Variants in CDK6 observed in about 807,000 individuals in gnomAD.
The protein encoded by CDK6 is cyclin-dependent kinase 6.
CDK6 carries 6 observed loss-of-function variants against 37.1 expected under a neutral mutation model. The ratio of observed to expected loss-of-function variants is 0.16; its 90% CI spans 0.09 to 0.32. CDK6 has a LOEUF of 0.32. Ranked by LOEUF, CDK6 falls within the 10% of genes least tolerant of loss-of-function variation. The pLI is 1.00. For synonymous variants in CDK6, 160 were observed against 161.3 expected, an observed-to-expected ratio of 0.99 and a Z score of 0.06; for missense variants, 224 against 418.9, an observed-to-expected ratio of 0.53 and a Z score of 4.06.
intron 3 of CDK6, 76 bp downstream of exon 3, chr7:92,774,620 A>G (rs1055830301): frequency 1.5e-6 from 2 of 1,305,844 alleles, no homozygotes; most frequent in Non-Finnish European, 2.1e-6. Flanking sequence ...GGCAATTTTC[A>G]TAAGGAAAGA....
In CDK6 at chr7:92,725,671, G is replaced by A. The variant is rs774750394; in HGVS notation, c.492C>T (p.Phe164=). 36 of 1,613,986 alleles carry A rather than the reference G, an allele frequency of 2.2e-5. No individual in the cohort carries two copies. Among genetic ancestry groups the A allele is most frequent in the Middle Eastern group, 1.6e-4 (1 of 6,084 alleles). The change falls in exon 4 of 8, where the codon TTC becomes TTT. Residue 164 remains phenylalanine, a synonymous_variant. Coordinates refer to ENST00000424848, the MANE Select transcript of CDK6 (RefSeq NM_001145306.2). ...TSSGQIKLAD[F]GLARIYSFQM... The stretch of plus-strand genomic sequence containing the variant: ...GGAAACTATAGATGCGGGCAAGGCC[G>A]AAGTCAGCGAGTTTTATTTGTCCGC...
chr7:92,755,751 C>T (rs1009843099), intron 3 of CDK6, among the ~76,000 whole-genome samples: 2 of 152,230 alleles, frequency 1.3e-5, no homozygotes, highest in Non-Finnish European at 1.5e-5. Flanking sequence ...GGTGCGGATA[C>T]CATTCAGGCA....
intron 2 of CDK6, among the ~76,000 whole-genome samples, chr7:92,825,302 A>T (rs2115998382): frequency 6.6e-6 from 1 of 152,280 alleles, no homozygotes; most frequent in South Asian, 2.1e-4. Context: ...TTAAATTCTG[A>T]ATTTCTAAAT....
intron 2 of CDK6, among the ~76,000 whole-genome samples, chr7:92,805,781 T>G (rs1800710409): frequency 6.6e-6 from 1 of 152,186 alleles, no homozygotes; most frequent in African/African-American, 2.4e-5. Context: ...CCCCGTACAA[T>G]AAAATCCCTC....
rs147232205 is a variant in CDK6, at chr7:92,760,164, C to A, written c.369+14532G>T. 2.0e-3 allele frequency among the ~76,000 whole-genome samples: 312 copies of A among 152,300 alleles called. 1 individual carries two copies. Among genetic ancestry groups the A allele is most frequent in the African/African-American group, 7.2e-3 (300 of 41,572 alleles). ...CATTAATTTAAAAATTTACTCTCAT[C>A]AGCAATTGCTTCCATTTACAATCAA... On this transcript the variant is annotated intron_variant, in intron 3 of 7. Coordinates refer to ENST00000424848, the MANE Select transcript of CDK6 (RefSeq NM_001145306.2).
intron 5 of CDK6, among the ~76,000 whole-genome samples, chr7:92,666,383 T>C (rs540436281): frequency 1.6e-3 from 238 of 152,322 alleles, no homozygotes; most frequent in Middle Eastern, 0.014. Context: ...ACTCCATAAG[T>C]TAATTGTGGA....
chr7:92,653,953 TGTTTGTCA>T (rs1233424675), intron 5 of CDK6, among the ~76,000 whole-genome samples: 1 of 152,164 alleles, frequency 6.6e-6, no homozygotes, highest in Non-Finnish European at 1.5e-5. Context: ...TTATCCTTCA[TGTTTGTCA>T]GTTTCTCACC....
At position 92,762,570 on chromosome 7, in the gene CDK6, C is replaced by T. The variant is rs868462688; in HGVS notation, c.369+12126G>A. ...CATACTAACCGTATTCATAGAACAC[C>T]TTTTTTTTTTTTTTTGAGATGGAAT... On this transcript the variant is annotated intron_variant, in intron 3 of 7. Coordinates refer to ENST00000424848, the MANE Select transcript of CDK6 (RefSeq NM_001145306.2). 5.8e-3 allele frequency among the ~76,000 whole-genome samples: 816 copies of T among 141,566 alleles called. 7 individuals are homozygous for T. The highest frequency in any genetic ancestry group is 0.018 in the African/African-American group (716 of 38,924). 92.9% of individuals were successfully genotyped at this position (141,566 alleles called of 152,430 possible).
At chr7:92,820,717 A>T (rs954394155) in intron 2 of CDK6, among the ~76,000 whole-genome samples, 1 of 152,152 alleles carries the variant, frequency 6.6e-6, no homozygotes, top group African/African-American at 2.4e-5. Context: ...TAACAAGGTA[A>T]GTCCTCATTT....
intron 3 of CDK6, among the ~76,000 whole-genome samples, chr7:92,729,750 T>C (rs910359150): frequency 3.3e-5 from 5 of 152,128 alleles, no homozygotes; most frequent in African/African-American, 1.2e-4. Context: ...CTTCTTTTCT[T>C]TTTCTTTTCT....
intron 3 of CDK6, among the ~76,000 whole-genome samples, chr7:92,754,829 G>A (rs1307059429): frequency 1.3e-5 from 2 of 152,150 alleles, no homozygotes; most frequent in East Asian, 3.9e-4. Context: ...TTGACAGTCA[G>A]CAAGATGGAT....
intron 2 of CDK6, among the ~76,000 whole-genome samples, chr7:92,806,029 T>A (rs1800715789): frequency 6.6e-6 from 1 of 152,230 alleles, no homozygotes; most frequent in Non-Finnish European, 1.5e-5. Flanking sequence ...GTGAATGTAC[T>A]TAATGTCACC....
chr7:92,689,892 CT>C (rs997739608), intron 4 of CDK6, among the ~76,000 whole-genome samples: 3 of 152,102 alleles, frequency 2.0e-5, no homozygotes, highest in South Asian at 2.1e-4. Context: ...TGATGTTGAG[CT>C]TTTTTTCGTG....
chr7:92,764,452 G>A (rs1456590547), intron 3 of CDK6, among the ~76,000 whole-genome samples: 2 of 152,128 alleles, frequency 1.3e-5, no homozygotes, highest in African/African-American at 4.8e-5. Flanking sequence ...TGTCATTTCT[G>A]ACATTCAAGG....
intron 3 of CDK6, among the ~76,000 whole-genome samples, chr7:92,766,598 T>C (rs1799587378): frequency 6.6e-6 from 1 of 152,142 alleles, no homozygotes; most frequent in Non-Finnish European, 1.5e-5. Flanking sequence ...AGGCTGACAG[T>C]GAAGCCTTGG....
intron 5 of CDK6, among the ~76,000 whole-genome samples, chr7:92,632,933 C>CTTTT (rs397889657): frequency 9.2e-6 from 1 of 108,898 alleles, no homozygotes; most frequent in African/African-American, 3.6e-5. Flanking sequence ...CTCTAAAGAT[C>CTTTT]TTTTTTTTTT....
intron 3 of CDK6, among the ~76,000 whole-genome samples, chr7:92,744,775 C>G (rs989742597): frequency 6.6e-6 from 1 of 152,092 alleles, no homozygotes; most frequent in Non-Finnish European, 1.5e-5. Flanking sequence ...ACATTTTTAT[C>G]ACTGCCAACT....
chr7:92,808,370 T>C (rs151171510), intron 2 of CDK6, among the ~76,000 whole-genome samples: 189 of 152,356 alleles, frequency 1.2e-3, no homozygotes, highest in African/African-American at 4.3e-3. Context: ...TTTGCCTATA[T>C]TGGCCAGTAT....
At position 92,802,632 on chromosome 7, in the gene CDK6, A is replaced by G. The variant is rs1800610916; in HGVS notation, c.234-27801T>C. Reference sequence around the variant, plus strand: ...TGTTCTGCTTTATGTACACAGCTGCAGTTCCCACCGTTTAGGAGTTTACAA... The same window carrying G: ...TGTTCTGCTTTATGTACACAGCTGCGGTTCCCACCGTTTAGGAGTTTACAA... On this transcript the variant is annotated intron_variant, in intron 2 of 7. Coordinates refer to ENST00000424848, the MANE Select transcript of CDK6 (RefSeq NM_001145306.2). Among the ~76,000 whole-genome samples the G allele has an allele frequency of 1.3e-5, 2 of 152,242 alleles. 1 individual carries two copies. The highest frequency in any genetic ancestry group is 4.1e-4 in the South Asian group (2 of 4,832).
Sources: gnomAD v4.1 joint callset for allele counts (sites outside exome capture counted in the v4.1 genomes callset) on GRCh38, gnomAD v4.1.1 for gene constraint, MANE v1.5 for transcripts, NCBI Gene and HGNC (gene_info 2026-07-23, HGNC 2026-07-21) for gene names.